Variants in RPL28 observed in about 807,000 individuals in gnomAD.
RPL28 encodes large ribosomal subunit protein eL28.
RPL28 carries 4 observed loss-of-function variants against 12.5 expected under a neutral mutation model. The observed-to-expected ratio is 0.32, with a 90% CI of 0.16 to 0.73. The LOEUF is 0.73. RPL28 is among the 30% of genes least tolerant of loss of function. The probability of loss-of-function intolerance (pLI) is 0.66; values close to 1 mark genes in which losing one functional copy is unlikely to be tolerated. For synonymous variants in RPL28, 91 were observed against 72.5 expected, an observed-to-expected ratio of 1.26 and a Z score of -1.30; for missense variants, 214 against 197.7, an observed-to-expected ratio of 1.08 and a Z score of -0.49.
chr19:55,390,731 A>G lies in RPL28; in HGVS notation c.*2399A>G. ...TCTGTGTGGCTGGGCTGGGGAGGCC[A>G]CGTCTGGTATCTGAATGCTATCGGT... On this transcript the variant is annotated 3_prime_UTR_variant, in exon 5 of 5. Transcript: ENST00000344063. 8.1e-6 allele frequency: 8 copies of G among 985,364 alleles called. No individual in the cohort carries two copies. Among genetic ancestry groups the G allele is most frequent in the Non-Finnish European group, 9.6e-6 (8 of 829,952 alleles). 61.0% of individuals were successfully genotyped at this position (985,364 alleles called of 1,614,324 possible). A position where few individuals can be genotyped will look rare whatever the true frequency, so the allele number is the denominator to read the frequency against.
chr19:55,390,332 G>C lies in RPL28; in HGVS notation c.*2000G>C. On this transcript the variant is annotated 3_prime_UTR_variant, in exon 5 of 5. Transcript: ENST00000344063. ...CGATTCTCCTGCCTCAGCCTCCCGAGTAGCTGGGATTACAGGTGGGTGTCA... is the reference window on the plus strand; with the variant it reads ...CGATTCTCCTGCCTCAGCCTCCCGACTAGCTGGGATTACAGGTGGGTGTCA... 4.2e-6 allele frequency: 3 copies of C among 709,376 alleles called. No individual in the cohort carries two copies. Among genetic ancestry groups the C allele is most frequent in the Non-Finnish European group, 5.2e-6 (3 of 578,410 alleles). 43.9% of individuals were successfully genotyped at this position (709,376 alleles called of 1,614,324 possible).
In RPL28 at chr19:55,387,927, C is replaced by T. The variant is rs2089949437; in HGVS notation, c.206-3C>T. On this transcript the variant is annotated splice_polypyrimidine_tract_variant and splice_region_variant and intron_variant, in intron 3 of 4. Transcript: ENST00000344063. ...CCCCAGGACCTCCCTGACCCCCAAC[C>T]AGGCCAGCGGAAGCCTGCCACCTCC... The T allele has an allele frequency of 6.4e-7, 1 of 1,561,648 alleles. No individual in the cohort carries two copies. The highest frequency in any genetic ancestry group is 1.4e-5 in the African/African-American group (1 of 73,748).
chr19:55,390,185 A>G lies in RPL28; in HGVS notation c.*1853A>G. The G allele has an allele frequency of 1.0e-6, 1 of 985,490 alleles. No individual in the cohort carries two copies. Among genetic ancestry groups the G allele is most frequent in the Non-Finnish European group, 1.2e-6 (1 of 829,984 alleles). The allele number at this position is 985,490 out of a possible 1,614,324, so 61.0% of individuals were successfully genotyped here. ...GGTGCATATTGAATGTATAAAGCCC[A>G]CCGGTCCTGAGAGTTTGCTCACTGG... On this transcript the variant is annotated 3_prime_UTR_variant, in exon 5 of 5. Coordinates refer to ENST00000344063, the MANE Select transcript of RPL28 (RefSeq NM_000991.5).
At chr19:55,401,021 G>A (rs1040525048) in intron 4 of RPL28, 11 of 210,168 alleles carry the variant, frequency 5.2e-5, no homozygotes, top group Admixed American at 1.0e-4. Context: ...GGGCAGTGCC[G>A]CTCAGGCCAC....
At chr19:55,396,378 A>T (rs961832302), downstream of RPL28, among the ~76,000 whole-genome samples, 2 of 151,362 alleles carry the variant, frequency 1.3e-5, no homozygotes, top group African/African-American at 4.8e-5. Flanking sequence ...TATGTAACCA[A>T]TACCCAGGTC....
At chr19:55,400,591 G>C (rs2090049908) in intron 4 of RPL28, 1 of 152,248 alleles carries the variant, frequency 6.6e-6, no homozygotes, top group African/African-American at 2.4e-5. Context: ...GCTTCTTGGA[G>C]CTAAGACCCT....
chr19:55,386,426 G>A lies in RPL28; in HGVS notation c.69G>A (p.Gln23=). The part of the protein sequence containing the change: ...CSSFLIKRNK[Q]TYSTEPNNLK... ...GTTTCCTGATCAAGAGGAATAAGCAGACCTACAGCACTGTAAGTGGGGCCC... is the reference window on the plus strand; with the variant it reads ...GTTTCCTGATCAAGAGGAATAAGCAAACCTACAGCACTGTAAGTGGGGCCC... Residue 23 remains glutamine (Q), a synonymous_variant, in exon 2 of 5, where the codon CAG becomes CAA. Coordinates refer to ENST00000344063, the MANE Select transcript of RPL28 (RefSeq NM_000991.5). 2.5e-6 allele frequency: 4 copies of A among 1,614,126 alleles called. No homozygotes were observed. Among genetic ancestry groups the A allele is most frequent in the Non-Finnish European group, 1.7e-6 (2 of 1,180,004 alleles).
In RPL28 at chr19:55,391,453, C is replaced by T; in HGVS notation, c.*3121C>T. On this transcript the variant is annotated 3_prime_UTR_variant, in exon 5 of 5. Coordinates refer to ENST00000344063, the MANE Select transcript of RPL28 (RefSeq NM_000991.5). ...CTGCATGGTGAGTGAGCGTAGGGCG[C>T]ACCCTGGAAGGCTGCCAAGCCCAAA... 7.4e-7 allele frequency: 1 copy of T among 1,354,892 alleles called. No homozygotes were observed. The highest frequency in any genetic ancestry group is 2.0e-5 in the South Asian group (1 of 50,020). 83.9% of individuals were successfully genotyped at this position (1,354,892 alleles called of 1,614,324 possible). A position where few individuals can be genotyped will look rare whatever the true frequency, so the allele number is the denominator to read the frequency against.
rs1195791562 is a variant in RPL28, at chr19:55,390,980, A to AGTT, written c.*2648_*2649insGTT. On this transcript the variant is annotated 3_prime_UTR_variant, in exon 5 of 5. Coordinates refer to ENST00000344063, the MANE Select transcript of RPL28 (RefSeq NM_000991.5). ...TTGGAAAACCAGTTAAACCAAAAAC[A>AGTT]TGATATTAAGAAAACAGGCAGGCTC... 2.0e-6 allele frequency: 2 copies of AGTT among 984,690 alleles called. No individual in the cohort carries two copies. The highest frequency in any genetic ancestry group is 2.4e-6 in the Non-Finnish European group (2 of 829,330). 61.0% of individuals were successfully genotyped at this position (984,690 alleles called of 1,614,324 possible). A position where few individuals can be genotyped will look rare whatever the true frequency, so the allele number is the denominator to read the frequency against.
downstream of RPL28, among the ~76,000 whole-genome samples, chr19:55,395,595 C>G (rs921908177): frequency 1.3e-5 from 2 of 151,990 alleles, no homozygotes; most frequent in Non-Finnish European, 2.9e-5. Context: ...AGGCGCCCAC[C>G]ACCACACCCG....
chr19:55,387,896 G>T, intron 3 of RPL28, 34 bp from the exon 4 acceptor site: 1 of 1,530,806 alleles, frequency 6.5e-7, no homozygotes, highest in South Asian at 1.3e-5. Flanking sequence ...AGGTTAGGTG[G>T]ACTGACCCCA....
chr19:55,391,280 C>A lies in RPL28; in HGVS notation c.*2948C>A. On this transcript the variant is annotated 3_prime_UTR_variant, in exon 5 of 5. Transcript: ENST00000344063. The stretch of plus-strand genomic sequence containing the variant: ...TCCAGTCCCAGCTCTGCCAGTTATG[C>A]CCAGCTGTGGGGACTTGGGCAGCTC... 2 of 454,026 alleles carry A rather than the reference C, an allele frequency of 4.4e-6. No homozygotes were observed. The highest frequency in any genetic ancestry group is 6.6e-6 in the Non-Finnish European group (2 of 302,514). The allele number at this position is 454,026 out of a possible 1,614,324, so 28.1% of individuals were successfully genotyped here.
At chr19:55,401,739 G>A in intron 4 of RPL28, 2 of 1,613,332 alleles carry the variant, frequency 1.2e-6, no homozygotes, top group Non-Finnish European at 1.7e-6. Context: ...CGGGGTTAGG[G>A]TGGATCAGCA....
Position 55,386,693 on chromosome 19 carries a change from G to A in RPL28, c.205G>A (p.Gly69Ser). 2 of 1,614,144 alleles carry A rather than the reference G, an allele frequency of 1.2e-6. No homozygotes were observed. The highest frequency in any genetic ancestry group is 1.7e-6 in the Non-Finnish European group (2 of 1,179,998). The change falls in exon 3 of 5, where the codon GGC (glycine) becomes AGC (serine). Residue 69 changes from glycine to serine, a missense_variant and splice_region_variant. Gly to Ser is a moderately conservative substitution (Grantham distance 56). Transcript: ENST00000344063. The stretch of plus-strand genomic sequence containing the variant: ...CGTGGTGGTCATTAAGCGGAGATCC[G>A]GTGAGTTTTGTCTGGTTTGGGCCAG... ...GVVVVIKRRS[G>S]QRKPATSYVR...
rs1181690003 is a variant in RPL28, at chr19:55,390,813, A to G, written c.*2481A>G. The G allele has an allele frequency of 6.1e-6, 6 of 985,312 alleles. No homozygotes were observed. The highest frequency in any genetic ancestry group is 7.2e-6 in the Non-Finnish European group (6 of 829,948). The allele number at this position is 985,312 out of a possible 1,614,324, so 61.0% of individuals were successfully genotyped here. A position where few individuals can be genotyped will look rare whatever the true frequency, so the allele number is the denominator to read the frequency against. ...GAGGGAGGGAGATGGTCTCAGCCCC[A>G]CAGAGTTTGGAGTCCTCAGTGTGCT... On this transcript the variant is annotated 3_prime_UTR_variant, in exon 5 of 5. Transcript: ENST00000344063.
intron 4 of RPL28, chr19:55,401,795 G>T (rs545165832): frequency 1.9e-6 from 3 of 1,611,178 alleles, no homozygotes; most frequent in South Asian, 1.1e-5. Context: ...ACAGTGGGTC[G>T]GGCAACCTAC....
Position 55,391,435 on chromosome 19 carries a change from G to A in RPL28, c.*3103G>A. The A allele has an allele frequency of 7.6e-7, 1 of 1,319,104 alleles. No individual in the cohort carries two copies. Among genetic ancestry groups the A allele is most frequent in the Non-Finnish European group, 9.7e-7 (1 of 1,028,466 alleles). 81.7% of individuals were successfully genotyped at this position (1,319,104 alleles called of 1,614,324 possible). On this transcript the variant is annotated 3_prime_UTR_variant, in exon 5 of 5. Coordinates refer to ENST00000344063, the MANE Select transcript of RPL28 (RefSeq NM_000991.5). ...CAGCTCTTAGTCCAGTAGCTGCATG[G>A]TGAGTGAGCGTAGGGCGCACCCTGG...
chr19:55,391,036 A>G lies in RPL28; in HGVS notation c.*2704A>G, dbSNP rs1268060306. 1 of 864,280 alleles carries G rather than the reference A, an allele frequency of 1.2e-6. No individual in the cohort carries two copies. Among genetic ancestry groups the G allele is most frequent in the Admixed American group, 6.2e-5 (1 of 16,146 alleles). 53.5% of individuals were successfully genotyped at this position (864,280 alleles called of 1,614,324 possible). A position where few individuals can be genotyped will look rare whatever the true frequency, so the allele number is the denominator to read the frequency against. On this transcript the variant is annotated 3_prime_UTR_variant, in exon 5 of 5. Coordinates refer to ENST00000344063, the MANE Select transcript of RPL28 (RefSeq NM_000991.5). The stretch of plus-strand genomic sequence containing the variant: ...AGTAAAAATGCTGAAAGCCAAAGAC[A>G]AAATTGGGAGAACAAAAGAAAAGCG...
Position 55,389,338 on chromosome 19 carries a change from A to T in RPL28, c.*1006A>T, listed in dbSNP as rs1043358324. ...GCCCCACCACTACACTCCAGCCTGG[A>T]AGACACCATGACACACAGTGAGGCC... On this transcript the variant is annotated 3_prime_UTR_variant, in exon 5 of 5. Coordinates refer to ENST00000344063, the MANE Select transcript of RPL28 (RefSeq NM_000991.5). 10 of 942,806 alleles carry T rather than the reference A, an allele frequency of 1.1e-5. No individual in the cohort carries two copies. The highest frequency in any genetic ancestry group is 1.2e-5 in the Non-Finnish European group (10 of 810,834). 58.4% of individuals were successfully genotyped at this position (942,806 alleles called of 1,614,324 possible). A position where few individuals can be genotyped will look rare whatever the true frequency, so the allele number is the denominator to read the frequency against.
Sources: gnomAD v4.1 joint callset for allele counts (sites outside exome capture counted in the v4.1 genomes callset) on GRCh38, gnomAD v4.1.1 for gene constraint, MANE v1.5 for transcripts, NCBI Gene and HGNC (gene_info 2026-07-23, HGNC 2026-07-21) for gene names.